Variants in PPP1R16B observed in about 807,000 individuals in gnomAD.
The protein encoded by PPP1R16B is protein phosphatase 1 regulatory inhibitor subunit 16B.
In PPP1R16B, 14 loss-of-function variants were observed where a neutral mutation model predicts 61.7. The ratio of observed to expected loss-of-function variants is 0.23; its 90% CI spans 0.15 to 0.35. PPP1R16B has a LOEUF of 0.35. PPP1R16B is among the 10% of genes least tolerant of loss of function. PPP1R16B has a pLI of 1.00. For missense variants in PPP1R16B, 547 were observed against 752.5 expected, an observed-to-expected ratio of 0.73 and a Z score of 3.19; for synonymous variants, 266 against 305.3, an observed-to-expected ratio of 0.87 and a Z score of 1.34.
At chr20:38,889,527 C>T (rs1486148424) in intron 2 of PPP1R16B, 68 bp from the exon 3 acceptor site, 6 of 1,396,616 alleles carry the variant, frequency 4.3e-6, no homozygotes, top group Non-Finnish European at 6.1e-6. Context: ...CGGGTCTTAC[C>T]CGGGCCCCTG....
chr20:38,879,056 C>T (rs957038357), intron 2 of PPP1R16B, among the ~76,000 whole-genome samples: 1 of 152,126 alleles, frequency 6.6e-6, no homozygotes, highest in Non-Finnish European at 1.5e-5. Flanking sequence ...GAAGGGAGAT[C>T]AGGTCCCTAG....
chr20:38,903,607 A>G (rs1434364155), intron 6 of PPP1R16B, among the ~76,000 whole-genome samples: 1 of 150,600 alleles, frequency 6.6e-6, no homozygotes, highest in Non-Finnish European at 1.5e-5. Context: ...CCATCCATCC[A>G]TCCATCCATC....
intron 2 of PPP1R16B, among the ~76,000 whole-genome samples, chr20:38,885,036 C>CAAAAAAAAAAAAA (rs71330453): frequency 1.5e-5 from 1 of 67,806 alleles, no homozygotes; most frequent in African/African-American, 6.5e-5. Flanking sequence ...AACTCTGTCT[C>CAAAAAAAAAAAAA]AAAAAAAAAA....
chr20:38,903,593 C>T, intron 6 of PPP1R16B, among the ~76,000 whole-genome samples: 1 of 151,966 alleles, frequency 6.6e-6, no homozygotes, highest in Non-Finnish European at 1.5e-5. Context: ...ATCCATCCAT[C>T]CATCCATCCA....
intron 1 of PPP1R16B, among the ~76,000 whole-genome samples, chr20:38,831,437 C>G (rs1186669593): frequency 1.3e-5 from 2 of 152,260 alleles, no homozygotes; most frequent in African/African-American, 4.8e-5. Flanking sequence ...GACTCACAGG[C>G]TCTCTTTCCT....
At chr20:38,903,675 G>A (rs915003283) in intron 6 of PPP1R16B, among the ~76,000 whole-genome samples, 1 of 152,014 alleles carries the variant, frequency 6.6e-6, no homozygotes, top group Non-Finnish European at 1.5e-5. Context: ...CCTCCTCTGT[G>A]CACATACTTT....
At chr20:38,897,475 A>G (rs554077888) in intron 4 of PPP1R16B, among the ~76,000 whole-genome samples, 8 of 152,296 alleles carry the variant, frequency 5.3e-5, no homozygotes, top group Admixed American at 2.6e-4. Context: ...TTGTATGTCT[A>G]TACCACGTTT....
intron 2 of PPP1R16B, among the ~76,000 whole-genome samples, chr20:38,841,456 A>C (rs2084908885): frequency 6.8e-6 from 1 of 146,868 alleles, no homozygotes; most frequent in Non-Finnish European, 1.5e-5. Context: ...TGAATCCGGG[A>C]GGTTAAATCT....
At chr20:38,900,409 C>T (rs2085382124) in intron 4 of PPP1R16B, among the ~76,000 whole-genome samples, 172 bp from the exon 5 acceptor site, 3 of 152,196 alleles carry the variant, frequency 2.0e-5, no homozygotes, top group Admixed American at 6.5e-5. Flanking sequence ...CTGTCGTGCT[C>T]TTGGGCTGTG....
At chr20:38,864,108 A>G (rs208816) in intron 2 of PPP1R16B, among the ~76,000 whole-genome samples, 82,891 of 152,098 alleles carry the variant, frequency 0.54, 22,962 homozygotes, top group South Asian at 0.74. Context: ...GTGTTCTAGA[A>G]CTCCACTGGT....
chr20:38,822,523 T>C (rs1025295950), intron 1 of PPP1R16B, among the ~76,000 whole-genome samples: 13 of 150,288 alleles, frequency 8.7e-5, no homozygotes, highest in Non-Finnish European at 1.8e-4. Context: ...TTTTTTTTTT[T>C]TTTCTGTCTA....
In PPP1R16B at chr20:38,806,443, C is replaced by T. The variant is rs564040975; in HGVS notation, c.-102+651C>T. On this transcript the variant is annotated intron_variant, in intron 1 of 10. Coordinates refer to ENST00000299824, the MANE Select transcript of PPP1R16B (RefSeq NM_015568.4). This position sits in a 1 kb window ranked among gnomAD's most constrained non-coding sequence, Gnocchi z 4.5. ...CGGGAGGGGCGCGCCCGGCCTCTCCCAGGGCCCCGTGCGCCGGCGGCTGGG... is the reference window on the plus strand; with the variant it reads ...CGGGAGGGGCGCGCCCGGCCTCTCCTAGGGCCCCGTGCGCCGGCGGCTGGG... Among the ~76,000 whole-genome samples, 1 of 152,258 alleles carries T rather than the reference C, an allele frequency of 6.6e-6. No homozygotes were observed. The highest frequency in any genetic ancestry group is 2.4e-5 in the African/African-American group (1 of 41,574).
Position 38,836,085 on chromosome 20 carries a change from A to C in PPP1R16B, c.160A>C (p.Lys54Gln). The C allele has an allele frequency of 3.1e-6, 5 of 1,611,954 alleles. No individual in the cohort carries two copies. The highest frequency in any genetic ancestry group is 4.2e-6 in the Non-Finnish European group (5 of 1,179,680). ...GCACCGCAAGCGAAAGCATGAGCGG[A>C]AGCGCAGCACGGGCGGCCGCCGCAA... ...LQHRKRKHER[K>Q]RSTGGRRKKV... Residue 54 changes from lysine to glutamine, a missense_variant, in exon 2 of 11, where the codon AAG (lysine) becomes CAG (glutamine). Coordinates refer to ENST00000299824, the MANE Select transcript of PPP1R16B (RefSeq NM_015568.4).
chr20:38,810,790 G>A (rs939413919), intron 1 of PPP1R16B, among the ~76,000 whole-genome samples: 4 of 152,168 alleles, frequency 2.6e-5, no homozygotes, highest in Non-Finnish European at 4.4e-5. Flanking sequence ...GGGAGAAACC[G>A]AGGCACAGAG....
intron 2 of PPP1R16B, among the ~76,000 whole-genome samples, chr20:38,857,345 T>C (rs1327062848): frequency 6.6e-6 from 1 of 152,210 alleles, no homozygotes; most frequent in African/African-American, 2.4e-5. Flanking sequence ...AATTCCAGGC[T>C]TTATAATTTT....
In PPP1R16B at chr20:38,835,964, G is replaced by C; in HGVS notation, c.39G>C (p.Leu13=). The C allele has an allele frequency of 6.5e-7, 1 of 1,547,670 alleles. No individual in the cohort carries two copies. The highest frequency in any genetic ancestry group is 2.4e-5 in the East Asian group (1 of 41,000). ...SHVDLLTELQ[L]LEKVPTLERL... is the part of the protein sequence containing the mutation. ...TGGACCTGCTGACGGAGCTGCAGCT[G>C]CTGGAGAAGGTGCCCACGCTGGAGC... is the stretch of plus-strand genomic sequence containing the variant. The change falls in exon 2 of 11, where the codon CTG becomes CTC. Residue 13 remains leucine (L), a synonymous_variant. Coordinates refer to ENST00000299824, the MANE Select transcript of PPP1R16B (RefSeq NM_015568.4).
intron 2 of PPP1R16B, among the ~76,000 whole-genome samples, chr20:38,873,351 G>A (rs112839161): frequency 0.011 from 1,727 of 152,266 alleles, 13 homozygotes; most frequent in Middle Eastern, 0.051. Context: ...CCAGCTCAGC[G>A]TGATGCCTTC....
intron 2 of PPP1R16B, 147 bp downstream of exon 2, chr20:38,836,322 T>C: frequency 8.3e-7 from 1 of 1,204,106 alleles, no homozygotes; most frequent in Non-Finnish European, 1.1e-6. Context: ...TCTTAGGAAG[T>C]GGACGTTCCT....
intron 2 of PPP1R16B, among the ~76,000 whole-genome samples, chr20:38,862,734 G>C (rs1475598808): frequency 6.6e-6 from 1 of 152,208 alleles, no homozygotes; most frequent in Non-Finnish European, 1.5e-5. Flanking sequence ...CCACAAGGTT[G>C]ACTGTGGCCT....
Sources: gnomAD v4.1 joint callset for allele counts (sites outside exome capture counted in the v4.1 genomes callset) on GRCh38, gnomAD v4.1.1 for gene constraint, Gnocchi (gnomAD v3.1) non-coding constraint, MANE v1.5 for transcripts, NCBI Gene and HGNC (gene_info 2026-07-23, HGNC 2026-07-21) for gene names.